The following CRHR2 variants were observed in gnomAD, a reference collection of about 807,000 sequenced individuals.
The protein encoded by CRHR2 is corticotropin-releasing hormone receptor 2.
A neutral mutation model predicts 57.9 loss-of-function variants in CRHR2; 53 were observed. That is an observed-to-expected ratio of 0.92 (90% confidence interval 0.73 to 1.15). The LOEUF is 1.15. Among genes scored for constraint, CRHR2 ranks in the 50% most tolerant of loss-of-function variants. The pLI, the probability that CRHR2 is intolerant of heterozygous loss-of-function variation, is 0.00. For synonymous variants in CRHR2, 213 were observed against 220.9 expected, an observed-to-expected ratio of 0.96 and a Z score of 0.32; for missense variants, 532 against 542.6, an observed-to-expected ratio of 0.98 and a Z score of 0.19.
Position 30,681,948 on chromosome 7 carries a change from C to T in CRHR2, c.196G>A (p.Glu66Lys), listed in dbSNP as rs1423722057. 20 of 1,611,880 alleles carry T rather than the reference C, an allele frequency of 1.2e-5. No homozygotes were observed. The East Asian group carries it at 4.0e-4, about 32-fold the overall frequency. The change falls in exon 2 of 12, where the codon GAG (glutamate) becomes AAG (lysine). Residue 66 changes from glutamate to lysine, a missense_variant. By Grantham distance (56) the Glu-to-Lys change is moderately conservative (BLOSUM62 1). Transcript: ENST00000471646. ...AGALVERPCP[E>K]YFNGVKYNTT... The stretch of plus-strand genomic sequence containing the variant: ...TTGTACTTGACGCCGTTGAAGTACT[C>T]GGGGCACGGCCTCTCCACGAGGGCT...
At chr7:30,691,718 C>T (rs780612175) in intron 1 of CRHR2, among the ~76,000 whole-genome samples, 2 of 152,240 alleles carry the variant, frequency 1.3e-5, no homozygotes, top group African/African-American at 2.4e-5. Flanking sequence ...TATAACTTCT[C>T]TGCTGGCCCC....
intron 2 of CRHR2, among the ~76,000 whole-genome samples, chr7:30,672,204 C>A (rs1784384554): frequency 6.6e-6 from 1 of 152,228 alleles, no homozygotes; most frequent in Admixed American, 6.5e-5. Context: ...CCAGCTCCTC[C>A]AGGTAGTTTC....
At chr7:30,662,575 G>A (rs1352418918) in intron 6 of CRHR2, 119 bp downstream of exon 6, 12 of 1,245,828 alleles carry the variant, frequency 9.6e-6, no homozygotes, top group Admixed American at 4.6e-5. Flanking sequence ...TGCATCCACC[G>A]GACTGCGCTG....
chr7:30,684,374 G>A (rs1784812295), upstream of CRHR2, among the ~76,000 whole-genome samples: 1 of 152,210 alleles, frequency 6.6e-6, no homozygotes, highest in African/African-American at 2.4e-5. Flanking sequence ...CCTAAGCCAA[G>A]CTTAAGTTAT....
chr7:30,668,642 T>C (rs865780835), intron 2 of CRHR2, among the ~76,000 whole-genome samples: 1 of 152,152 alleles, frequency 6.6e-6, no homozygotes, highest in South Asian at 2.1e-4. Flanking sequence ...TTGGAAGCAA[T>C]GGAATTGGGA....
chr7:30,669,641 G>A (rs1260777197), intron 2 of CRHR2, among the ~76,000 whole-genome samples: 1 of 152,066 alleles, frequency 6.6e-6, no homozygotes, highest in Non-Finnish European at 1.5e-5. Context: ...CTTCTTGCCT[G>A]GGCTGCTACA....
chr7:30,671,995 G>T (rs1281155518), intron 2 of CRHR2, among the ~76,000 whole-genome samples: 1 of 152,210 alleles, frequency 6.6e-6, no homozygotes, highest in East Asian at 1.9e-4. Context: ...CAGAAGGAAT[G>T]AAGTCACTAC....
At chr7:30,671,412 C>T (rs1784348877) in intron 2 of CRHR2, among the ~76,000 whole-genome samples, 1 of 151,922 alleles carries the variant, frequency 6.6e-6, no homozygotes, top group African/African-American at 2.4e-5. Flanking sequence ...GGAAGGAGTA[C>T]AAGGGACAGG....
At chr7:30,655,753 G>A (rs928742679) in intron 9 of CRHR2, 38 bp from the exon 10 acceptor site, 7 of 1,603,776 alleles carry the variant, frequency 4.4e-6, no homozygotes, top group Middle Eastern at 1.7e-4. Context: ...GAGCCCATGC[G>A]GCAGGCAGGG....
intron 7 of CRHR2, among the ~76,000 whole-genome samples, chr7:30,661,507 C>A (rs1783998984): frequency 6.6e-6 from 1 of 152,210 alleles, no homozygotes; most frequent in Non-Finnish European, 1.5e-5. Context: ...CTTGCCCCCA[C>A]TCTGAGAACA....
chr7:30,654,733 C>T (rs1783711404), intron 11 of CRHR2: 2 of 1,536,266 alleles, frequency 1.3e-6, no homozygotes, highest in African/African-American at 1.4e-5. Flanking sequence ...CTGGAAGCTT[C>T]CTTCTGTCAC....
chr7:30,672,623 C>T (rs1367490777), intron 2 of CRHR2, among the ~76,000 whole-genome samples: 1 of 152,204 alleles, frequency 6.6e-6, no homozygotes, highest in East Asian at 1.9e-4. Flanking sequence ...GAAGCAAGGT[C>T]TCACACAAAG....
upstream of CRHR2, chr7:30,682,676 T>A: frequency 4.0e-6 from 1 of 249,392 alleles, no homozygotes; most frequent in Non-Finnish European, 6.6e-6. Flanking sequence ...CTGGAGAGCG[T>A]GGGCCTGGGG....
At chr7:30,660,672 G>A (rs772427287) in intron 7 of CRHR2, 27 bp from the exon 8 acceptor site, 2 of 1,552,328 alleles carry the variant, frequency 1.3e-6, no homozygotes, top group Non-Finnish European at 8.7e-7. Context: ...GCTGTAGGGG[G>A]CCTCCTGAGC....
In CRHR2 at chr7:30,653,579, T is replaced by G; in HGVS notation, c.1117A>C (p.Arg373=). Reference sequence around the variant, plus strand: ...TGATGGTCCTGCCAGCGGTGCCACCTCTTCCTCACGGCTGAGCGCACCTGT... The same window carrying G: ...TGATGGTCCTGCCAGCGGTGCCACCGCTTCCTCACGGCTGAGCGCACCTGT... ...NGEVRSAVRK[R]WHRWQDHHSL... The change falls in exon 12 of 12, where the codon AGG becomes CGG. Residue 373 remains arginine, a synonymous_variant. Coordinates refer to ENST00000471646, the MANE Select transcript of CRHR2 (RefSeq NM_001883.5). This position sits in a 1 kb window ranked among gnomAD's most constrained non-coding sequence, Gnocchi z 5.0. 6.2e-7 allele frequency: 1 copy of G among 1,612,308 alleles called. No individual in the cohort carries two copies. Among genetic ancestry groups the G allele is most frequent in the Admixed American group, 1.7e-5 (1 of 60,002 alleles).
Position 30,682,385 on chromosome 7 carries a change from C to T in CRHR2, c.-105G>A. On this transcript the variant is annotated 5_prime_UTR_variant, in exon 1 of 12. Coordinates refer to ENST00000471646, the MANE Select transcript of CRHR2 (RefSeq NM_001883.5). ...CGGCCGAGAGGGCGCGGGGTCCTGG[C>T]CCCCGCCAGCCCAGCCCCGATCTCC... 13 of 1,392,454 alleles carry T rather than the reference C, an allele frequency of 9.3e-6. No homozygotes were observed. Among genetic ancestry groups the T allele is most frequent in the Non-Finnish European group, 1.0e-5 (11 of 1,077,908 alleles). 86.3% of individuals were successfully genotyped at this position (1,392,454 alleles called of 1,614,324 possible).
intron 2 of CRHR2, among the ~76,000 whole-genome samples, chr7:30,669,747 A>C (rs1784299027): frequency 6.6e-6 from 1 of 152,244 alleles, no homozygotes; most frequent in Non-Finnish European, 1.5e-5. Flanking sequence ...TATTGTGCTC[A>C]AGAATAAAGT....
Position 30,668,380 on chromosome 7 carries a change from G to C in CRHR2, c.230-1067C>G, listed in dbSNP as rs866494284. On this transcript the variant is annotated intron_variant, in intron 2 of 11. Transcript: ENST00000471646. Reference sequence around the variant, plus strand: ...AGTGTGTTTCTGACCTACCGGGTGGGTTACAAATGCTGAACGTTCCATTGT... The same window carrying C: ...AGTGTGTTTCTGACCTACCGGGTGGCTTACAAATGCTGAACGTTCCATTGT... Among the ~76,000 whole-genome samples the C allele has an allele frequency of 1.8e-4, 28 of 152,126 alleles. No homozygotes were observed. The Middle Eastern group carries it at 0.01, about 55-fold the overall frequency.
At chr7:30,689,003 C>G in intron 2 of CRHR2, 1 of 673,544 alleles carries the variant, frequency 1.5e-6, no homozygotes, top group Admixed American at 2.1e-5. Context: ...AGTGGCAAGC[C>G]TGAGCCTAGA....
Sources: allele counts gnomAD v4.1 joint callset (sites outside exome capture counted in the v4.1 genomes callset), GRCh38; gene constraint gnomAD v4.1.1; non-coding constraint Gnocchi (gnomAD v3.1); transcripts MANE v1.5; gene names NCBI Gene and HGNC (gene_info 2026-07-23, HGNC 2026-07-21).